The following RGN variants were observed in gnomAD, a reference collection of about 807,000 sequenced individuals.
The protein encoded by RGN is regucalcin.
In RGN, 19 loss-of-function variants were observed where a neutral mutation model predicts 20.6. That is an observed-to-expected ratio of 0.92 (90% CI 0.64 to 1.35). RGN has a LOEUF of 1.35. RGN is among the 40% of genes most tolerant of loss of function. The pLI, the probability that RGN is intolerant of heterozygous loss-of-function variation, is 0.00. For synonymous variants in RGN, 85 were observed against 87.2 expected (o/e 0.97, Z 0.14); for missense variants, 302 against 232.7 (o/e 1.30, Z -1.94).
In RGN at chrX:47,091,683, C is replaced by A; in HGVS notation, c.568C>A (p.Arg190Ser). The change falls in exon 6 of 8, where the codon CGC becomes AGC. Residue 190 changes from arginine to serine, a missense_variant. Coordinates refer to ENST00000397180, the MANE Select transcript of RGN (RefSeq NM_152869.4). ...TTTTTGCCTTTTAACCATAGCCAAC[C>A]GCAGAAGTGTTTACAAGCTAGAAAA... ...YDLQTGQISN[R>S]RSVYKLEKEE... is the part of the protein sequence containing the mutation. The A allele has an allele frequency of 8.3e-7, 1 of 1,206,253 alleles. No homozygotes were observed.
At chrX:47,084,311 C>A in intron 3 of RGN, 107 bp from the exon 4 acceptor site, 1 of 643,250 alleles carries the variant, frequency 1.6e-6, no homozygotes, top group Non-Finnish European at 2.3e-6. Context: ...CTCCCATTGT[C>A]ACGAGAGCTG....
rs782546678 is a variant in RGN at position 47,085,612 on chromosome X, T to C, written c.346+1012T>C. ...GTTCCATTTGCTTTATCATTTGCTGTCTGTATATATCTAAACATCTTTATC... is the reference window on the plus strand; with the variant it reads ...GTTCCATTTGCTTTATCATTTGCTGCCTGTATATATCTAAACATCTTTATC... On this transcript the variant is annotated intron_variant, in intron 4 of 7. Transcript: ENST00000397180. Among the ~76,000 whole-genome samples, 3 of 111,389 alleles carry C rather than the reference T, an allele frequency of 2.7e-5. No individual in the cohort carries two copies. In the South Asian group the frequency reaches 1.1e-3, roughly 42 times the overall value.
chrX:47,079,696 G>A (rs1213430289), intron 1 of RGN, among the ~76,000 whole-genome samples: 6 of 111,031 alleles, frequency 5.4e-5, no homozygotes. Context: ...CTCCCAAAGT[G>A]CTGAGATTAC....
chrX:47,090,912 GAAGGAAAGAAAGAAA>G (rs1569540715), intron 5 of RGN, among the ~76,000 whole-genome samples: 19 of 30,913 alleles, frequency 6.1e-4, no homozygotes, highest in African/African-American at 2.5e-3. Context: ...AAAGAAAGAA[GAAGGAAAGAAAGAAA>G]GAAAGAAAGA....
chrX:47,084,386 A>T, intron 3 of RGN, 32 bp from the exon 4 acceptor site: 1 of 1,146,341 alleles, frequency 8.7e-7, no homozygotes, highest in Non-Finnish European at 1.2e-6. Flanking sequence ...CTAAACTGGT[A>T]CTGTTTTTTA....
intron 1 of RGN, 103 bp downstream of exon 1, chrX:47,078,812 C>T (rs1291177529): frequency 9.1e-6 from 1 of 109,475 alleles, no homozygotes; most frequent in Non-Finnish European, 1.9e-5. Context: ...ACATTTGGCA[C>T]CCCCGTCCCC....
At chrX:47,082,052 C>G (rs906939941) in intron 3 of RGN, among the ~76,000 whole-genome samples, 1 of 111,885 alleles carries the variant, frequency 8.9e-6, no homozygotes, top group Admixed American at 9.6e-5. Context: ...AAGCATCAAC[C>G]AGGACCGTCT....
chrX:47,078,607 C>T lies in RGN; in HGVS notation c.-738C>T, dbSNP rs5906321. Reference sequence around the variant, plus strand: ...GCCTGCGCCAGGGAGGAGGCAGGCTCAACCTTCAGATTCCCAGGGCCTCTC... The same window carrying T: ...GCCTGCGCCAGGGAGGAGGCAGGCTTAACCTTCAGATTCCCAGGGCCTCTC... On this transcript the variant is annotated 5_prime_UTR_variant, in exon 1 of 8. Transcript: ENST00000397180. The T allele has an allele frequency of 0.1, 11,204 of 112,341 alleles. 616 individuals are homozygous for T. Among genetic ancestry groups the T allele is most frequent in the East Asian group, 0.21 (742 of 3,474 alleles). The allele number at this position is 112,341 out of a possible 1,213,427, so 9.3% of individuals were successfully genotyped here.
chrX:47,092,712 A>C (rs1931067711), intron 7 of RGN, among the ~76,000 whole-genome samples, 185 bp from the exon 8 acceptor site: 2 of 112,213 alleles, frequency 1.8e-5, no homozygotes, highest in African/African-American at 6.5e-5. Context: ...TTGCTAGTTG[A>C]ATTATTAACT....
In RGN at chrX:47,089,990, C is replaced by G. The variant is rs781785419; in HGVS notation, c.561C>G (p.Ile187Met). 7.8e-6 allele frequency: 9 copies of G among 1,153,674 alleles called. No homozygotes were observed. Among genetic ancestry groups the G allele is most frequent in the Middle Eastern group, 4.8e-4 (2 of 4,164 alleles). ...ACTATGACCTGCAGACAGGACAGAT[C>G]TGTATGTATTTTTCATTATTTGTCT... is the stretch of plus-strand genomic sequence containing the variant. The part of the protein sequence containing the change: ...AFDYDLQTGQ[I>M]SNRRSVYKLE... The change falls in exon 5 of 8, where the codon ATC (isoleucine) becomes ATG (methionine). Residue 187 changes from isoleucine to methionine, a missense_variant and splice_region_variant. Physicochemically the swap from Ile to Met is conservative, Grantham distance 10 (BLOSUM62 1). Coordinates refer to ENST00000397180, the MANE Select transcript of RGN (RefSeq NM_152869.4).
At position 47,089,884 on chromosome X, in the gene RGN, T is replaced by A. The variant is rs143093820; in HGVS notation, c.455T>A (p.Ile152Asn). The change falls in exon 5 of 8, where the codon ATT (isoleucine) becomes AAT (asparagine). Residue 152 changes from isoleucine (I) to asparagine (N), a missense_variant. Coordinates refer to ENST00000397180, the MANE Select transcript of RGN (RefSeq NM_152869.4). The part of the protein sequence containing the change: ...HVKKYFDQVD[I>N]SNGLDWSLDH... ...AAAAAGTACTTTGACCAGGTGGACA[T>A]TTCCAATGGTTTGGATTGGTCGCTA... is the stretch of plus-strand genomic sequence containing the variant. The A allele has an allele frequency of 7.9e-5, 95 of 1,205,929 alleles. No homozygotes were observed. Among genetic ancestry groups the A allele is most frequent in the Non-Finnish European group, 1.1e-4 (94 of 893,320 alleles).
rs1556386559 is a variant in RGN at position 47,089,825 on chromosome X, G to A, written c.396G>A (p.Gly132=). The change falls in exon 5 of 8, where the codon GGG becomes GGA. Residue 132 remains glycine, a synonymous_variant. Transcript: ENST00000397180. ...TAPAVLERHQ[G]ALYSLFPDHH... ...CAGCAGTTCTTGAGCGGCACCAGGGGGCCCTGTACTCCCTCTTTCCTGATC... is the reference window on the plus strand; with the variant it reads ...CAGCAGTTCTTGAGCGGCACCAGGGAGCCCTGTACTCCCTCTTTCCTGATC... 1.7e-6 allele frequency: 2 copies of A among 1,207,741 alleles called. No homozygotes were observed. The highest frequency in any genetic ancestry group is 1.8e-5 in the African/African-American group (1 of 56,906).
At chrX:47,089,574 A>C (rs1349390112) in intron 4 of RGN, among the ~76,000 whole-genome samples, 2 of 80,554 alleles carry the variant, frequency 2.5e-5, no homozygotes, top group African/African-American at 1.0e-4. Flanking sequence ...CATATTATAT[A>C]TACTTTATAT....
intron 3 of RGN, among the ~76,000 whole-genome samples, chrX:47,083,258 G>C (rs959574548): frequency 3.7e-5 from 4 of 109,020 alleles, no homozygotes; most frequent in Admixed American, 1.0e-4. Context: ...AAATTAGCCA[G>C]GCATGGTAGC....
intron 4 of RGN, among the ~76,000 whole-genome samples, chrX:47,088,267 C>A (rs1930697246): frequency 9.2e-6 from 1 of 108,396 alleles, no homozygotes. Flanking sequence ...GATAATGAAG[C>A]CAGGGCTCTA....
intron 1 of RGN, among the ~76,000 whole-genome samples, chrX:47,079,453 C>T (rs1299492391): frequency 9.9e-6 from 1 of 101,034 alleles, no homozygotes; most frequent in African/African-American, 3.7e-5. Flanking sequence ...TTTTTTGAGA[C>T]GGAGTCTTAC....
intron 1 of RGN, among the ~76,000 whole-genome samples, chrX:47,079,579 C>T (rs782534681): frequency 7.0e-4 from 75 of 107,892 alleles, no homozygotes; most frequent in African/African-American, 2.1e-3. Context: ...TACAGGCACC[C>T]GCCACTGTGC....
intron 4 of RGN, 78 bp from the exon 5 acceptor site, chrX:47,089,698 T>C: frequency 1.4e-6 from 1 of 703,286 alleles, no homozygotes; most frequent in South Asian, 2.9e-5. Flanking sequence ...CTGGAAAGGA[T>C]CCCTGGTGAG....
At chrX:47,082,921 G>A (rs1007384825) in intron 3 of RGN, among the ~76,000 whole-genome samples, 1 of 109,955 alleles carries the variant, frequency 9.1e-6, no homozygotes, top group East Asian at 2.9e-4. Context: ...TGGGACCCTT[G>A]ATGGCTCCAA....
Sources: gnomAD v4.1 joint callset for allele counts (sites outside exome capture counted in the v4.1 genomes callset) on GRCh38, gnomAD v4.1.1 for gene constraint, MANE v1.5 for transcripts, NCBI Gene and HGNC (gene_info 2026-07-23, HGNC 2026-07-21) for gene names.